Variants in SND1 observed in about 807,000 individuals in gnomAD.
SND1 encodes staphylococcal nuclease domain-containing protein 1.
Under a neutral mutation model 121.7 loss-of-function variants are expected in SND1, and 38 were observed. That is an observed-to-expected ratio of 0.31 (90% confidence interval 0.24 to 0.41). The LOEUF (loss-of-function observed/expected upper bound fraction) is 0.41. Ranked by LOEUF, SND1 falls within the 10% of genes least tolerant of loss-of-function variation. The probability of loss-of-function intolerance (pLI) is 1.00; values close to 1 mark genes in which losing one functional copy is unlikely to be tolerated. For missense variants in SND1, 868 were observed against 1,184.6 expected, an observed-to-expected ratio of 0.73 and a Z score of 3.92; for synonymous variants, 401 against 447.4, an observed-to-expected ratio of 0.90 and a Z score of 1.31.
rs978551030 is a variant in SND1, at chr7:128,040,556, G to A, written c.1780-33946G>A. 4.7e-5 allele frequency among the ~76,000 whole-genome samples: 7 copies of A among 148,742 alleles called. No homozygotes were observed. In the East Asian group the frequency reaches 6.0e-4, roughly 13 times the overall value. ...TAGAGCCCCTTAACTGAGCAACTCT[G>A]TGCTCCAGAGAAAATTTTAGCATCT... On this transcript the variant is annotated intron_variant, in intron 16 of 23. Coordinates refer to ENST00000354725, the MANE Select transcript of SND1 (RefSeq NM_014390.4).
At chr7:128,080,895 A>G (rs1793588081) in intron 17 of SND1, among the ~76,000 whole-genome samples, 2 of 151,822 alleles carry the variant, frequency 1.3e-5, no homozygotes, top group Non-Finnish European at 2.9e-5. Context: ...TTCCCCTCCG[A>G]GATAGAGGGC....
intron 10 of SND1, among the ~76,000 whole-genome samples, chr7:127,771,270 T>A (rs1797508056): frequency 6.6e-6 from 1 of 152,192 alleles, no homozygotes; most frequent in Non-Finnish European, 1.5e-5. Context: ...TTGGCATACG[T>A]ATACTATTGG....
intron 15 of SND1, among the ~76,000 whole-genome samples, chr7:127,931,073 T>C (rs1205061170): frequency 2.0e-5 from 3 of 152,180 alleles, no homozygotes; most frequent in East Asian, 3.9e-4. Context: ...GTAAACTTAA[T>C]TGATAAATGT....
intron 10 of SND1, among the ~76,000 whole-genome samples, chr7:127,783,760 C>T (rs1797764502): frequency 6.6e-6 from 1 of 152,132 alleles, no homozygotes; most frequent in Admixed American, 6.5e-5. Flanking sequence ...CTACTGTACC[C>T]AGATCTTTTT....
At chr7:127,718,399 C>T (rs893727784) in intron 9 of SND1, among the ~76,000 whole-genome samples, 2 of 152,174 alleles carry the variant, frequency 1.3e-5, no homozygotes, top group African/African-American at 4.8e-5. Flanking sequence ...GATTCCATGT[C>T]TCTGCTCAGG....
intron 11 of SND1, among the ~76,000 whole-genome samples, chr7:127,816,790 A>C (rs1201133884): frequency 6.7e-6 from 1 of 150,016 alleles, no homozygotes; most frequent in Non-Finnish European, 1.5e-5. Flanking sequence ...CAGTCTTCTG[A>C]GTAGCTGGAC....
intron 2 of SND1, chr7:127,694,574 T>C (rs535041413): frequency 4.7e-6 from 2 of 424,310 alleles, no homozygotes; most frequent in African/African-American, 4.0e-5. Flanking sequence ...CTGCTGCCAG[T>C]GTCTGGAAAA....
chr7:128,037,872 T>C (rs1792778294), intron 16 of SND1, among the ~76,000 whole-genome samples: 1 of 152,234 alleles, frequency 6.6e-6, no homozygotes, highest in African/African-American at 2.4e-5. Context: ...TCTCTTTACA[T>C]TGTCTCTAGA....
chr7:128,001,760 C>T (rs1584729658), intron 16 of SND1, among the ~76,000 whole-genome samples: 4 of 152,116 alleles, frequency 2.6e-5, no homozygotes. Flanking sequence ...GGAGAAACCC[C>T]GTCTCTACTA....
chr7:127,673,668 A>G lies in SND1; in HGVS notation c.79-12945A>G, dbSNP rs146471569. Among the ~76,000 whole-genome samples, 591 of 152,320 alleles carry G rather than the reference A, an allele frequency of 3.9e-3. 7 individuals carry two copies. The highest frequency in any genetic ancestry group is 0.013 in the African/African-American group (561 of 41,572). ...TGGCACACAATTATTTTCTAATTCC[A>G]TCATCCAACATTTATTAGTTGTTTT... On this transcript the variant is annotated intron_variant, in intron 1 of 23. Transcript: ENST00000354725.
At chr7:127,886,452 A>G (rs1419238498) in intron 12 of SND1, among the ~76,000 whole-genome samples, 1 of 151,998 alleles carries the variant, frequency 6.6e-6, no homozygotes, top group Non-Finnish European at 1.5e-5. Flanking sequence ...AGTTAACCAC[A>G]TTTTCAAACA....
At chr7:127,762,907 A>G (rs971989133) in intron 10 of SND1, among the ~76,000 whole-genome samples, 1 of 152,240 alleles carries the variant, frequency 6.6e-6, no homozygotes, top group African/African-American at 2.4e-5. Flanking sequence ...CAAGCTGGCT[A>G]AATATGTAGG....
chr7:127,888,822 C>T (rs1387173283), intron 13 of SND1, among the ~76,000 whole-genome samples: 2 of 152,130 alleles, frequency 1.3e-5, no homozygotes, highest in Non-Finnish European at 2.9e-5. Flanking sequence ...TTTCCATAGC[C>T]TCTAGGACCC....
At position 127,839,162 on chromosome 7, in the gene SND1, C is replaced by T. The variant is rs117059903; in HGVS notation, c.1243-5162C>T. Among the ~76,000 whole-genome samples the T allele has an allele frequency of 1.3e-3, 192 of 152,234 alleles. 1 individual carries two copies. In the East Asian group the frequency reaches 0.035, roughly 28 times the overall value. ...CTTACTTTTGTTTCTAGGCAGCATC[C>T]GTGGGACTCAGGCCAAATGGTGTCG... On this transcript the variant is annotated intron_variant, in intron 11 of 23. Transcript: ENST00000354725.
At chr7:127,757,507 A>C (rs950355777) in intron 10 of SND1, among the ~76,000 whole-genome samples, 1 of 152,170 alleles carries the variant, frequency 6.6e-6, no homozygotes, top group Non-Finnish European at 1.5e-5. Context: ...ACACTTTTCC[A>C]ATGTTACTAT....
intron 10 of SND1, among the ~76,000 whole-genome samples, chr7:127,732,801 T>C (rs763572635): frequency 4.6e-5 from 7 of 152,244 alleles, no homozygotes; most frequent in Non-Finnish European, 8.8e-5. Context: ...ATCTGTAGTT[T>C]GTAGGTATTG....
At chr7:127,661,140 C>T (rs950141470) in intron 1 of SND1, among the ~76,000 whole-genome samples, 6 of 152,114 alleles carry the variant, frequency 3.9e-5, no homozygotes, top group African/African-American at 9.7e-5. Flanking sequence ...TCTTTCTCTT[C>T]GCGTTTGTCT....
intron 16 of SND1, among the ~76,000 whole-genome samples, chr7:128,047,898 A>C (rs992535587): frequency 6.6e-6 from 1 of 151,696 alleles, no homozygotes; most frequent in Admixed American, 6.6e-5. Context: ...CCCAGGCTAG[A>C]GTGCAATGGT....
intron 10 of SND1, 109 bp from the exon 11 acceptor site, chr7:127,807,375 T>G: frequency 1.3e-6 from 1 of 773,706 alleles, no homozygotes; most frequent in Non-Finnish European, 2.2e-6. Context: ...ATTTAATATT[T>G]GCGATACTAA....
Sources: gnomAD v4.1 joint callset for allele counts (sites outside exome capture counted in the v4.1 genomes callset) on GRCh38, gnomAD v4.1.1 for gene constraint, MANE v1.5 for transcripts, NCBI Gene and HGNC (gene_info 2026-07-23, HGNC 2026-07-21) for gene names.